Variants in LRP1B observed in about 807,000 individuals in gnomAD.
LRP1B encodes LDL receptor related protein 1B.
A neutral mutation model predicts 556.6 loss-of-function variants in LRP1B; 217 were observed. The ratio of observed to expected loss-of-function variants is 0.39; its 90% CI spans 0.35 to 0.44. The LOEUF is 0.44. Among genes scored for constraint, LRP1B ranks in the 20% least tolerant of loss-of-function variants. LRP1B has a pLI of 1.00. For missense variants in LRP1B, 5,053 were observed against 5,620.8 expected, an observed-to-expected ratio of 0.90 and a Z score of 3.23; for synonymous variants, 2,047 against 1,865.8, an observed-to-expected ratio of 1.10 and a Z score of -2.50.
intron 2 of LRP1B, among the ~76,000 whole-genome samples, chr2:141,514,418 G>T (rs1684240119): frequency 6.6e-6 from 1 of 152,092 alleles, no homozygotes; most frequent in Non-Finnish European, 1.5e-5. Context: ...GGTGTGCTCT[G>T]CTCACGTCTC....
At chr2:140,976,357 T>G (rs1388105567) in intron 18 of LRP1B, among the ~76,000 whole-genome samples, 1 of 152,048 alleles carries the variant, frequency 6.6e-6, no homozygotes, top group Non-Finnish European at 1.5e-5. Flanking sequence ...CAAGAGCATT[T>G]ACAAGTAAGA....
chr2:141,045,183 C>T (rs1468281273), intron 11 of LRP1B, among the ~76,000 whole-genome samples: 1 of 114,770 alleles, frequency 8.7e-6, no homozygotes, highest in African/African-American at 3.1e-5. Flanking sequence ...AAAAACCAAA[C>T]ACCGCATATT....
intron 43 of LRP1B, among the ~76,000 whole-genome samples, chr2:140,556,532 G>A (rs961127296): frequency 4.6e-5 from 7 of 151,890 alleles, no homozygotes; most frequent in Non-Finnish European, 1.0e-4. Flanking sequence ...TATTTCTTGG[G>A]TTTATTTCTG....
chr2:140,519,110 C>T (rs1171415679), intron 49 of LRP1B, among the ~76,000 whole-genome samples: 2 of 152,124 alleles, frequency 1.3e-5, no homozygotes, highest in South Asian at 2.1e-4. Context: ...GAAAAAACTA[C>T]GTTAAAGTCC....
chr2:140,875,468 G>C (rs143002433), intron 25 of LRP1B, among the ~76,000 whole-genome samples: 1,631 of 152,214 alleles, frequency 0.011, 22 homozygotes, highest in African/African-American at 0.032. Flanking sequence ...GCTTTTATTT[G>C]GGCTTATTGT....
At chr2:140,372,686 C>T (rs1164100645) in intron 69 of LRP1B, among the ~76,000 whole-genome samples, 1 of 152,044 alleles carries the variant, frequency 6.6e-6, no homozygotes, top group East Asian at 1.9e-4. Flanking sequence ...CTATCTTTTA[C>T]TGTACTTTTA....
intron 2 of LRP1B, among the ~76,000 whole-genome samples, chr2:141,642,473 T>A (rs1167179380): frequency 6.6e-6 from 1 of 152,076 alleles, no homozygotes; most frequent in African/African-American, 2.4e-5. Context: ...GGGGAGTACT[T>A]TTCTGATTAC....
chr2:140,592,935 G>GACACACAC (rs10594387), intron 43 of LRP1B, among the ~76,000 whole-genome samples: 32 of 149,006 alleles, frequency 2.1e-4, no homozygotes, highest in East Asian at 6.0e-4. Flanking sequence ...GTGAGATCCT[G>GACACACAC]ACACACACAC....
At chr2:141,162,798 ATT>A (rs1441515235) in intron 7 of LRP1B, among the ~76,000 whole-genome samples, 6 of 152,150 alleles carry the variant, frequency 3.9e-5, no homozygotes, top group African/African-American at 1.2e-4. Flanking sequence ...CACAAAATAT[ATT>A]AACAATGTAT....
At chr2:141,587,962 A>T (rs1687200185) in intron 2 of LRP1B, among the ~76,000 whole-genome samples, 1 of 152,220 alleles carries the variant, frequency 6.6e-6, no homozygotes, top group Non-Finnish European at 1.5e-5. Flanking sequence ...GTTGTTTATC[A>T]GATGTAGAAA....
intron 37 of LRP1B, among the ~76,000 whole-genome samples, chr2:140,711,748 A>G (rs1220228432): frequency 1.3e-5 from 2 of 152,136 alleles, no homozygotes; most frequent in African/African-American, 2.4e-5. Context: ...TAAGCTGATA[A>G]CCTTAGAAAT....
intron 2 of LRP1B, among the ~76,000 whole-genome samples, chr2:141,766,036 A>T (rs1388443906): frequency 6.6e-6 from 1 of 152,174 alleles, no homozygotes; most frequent in Non-Finnish European, 1.5e-5. Flanking sequence ...TTTCCTCTCC[A>T]TTTCTATACC....
intron 41 of LRP1B, among the ~76,000 whole-genome samples, chr2:140,657,091 G>A (rs917586927): frequency 3.9e-5 from 6 of 151,986 alleles, no homozygotes; most frequent in East Asian, 1.9e-4. Flanking sequence ...AAATATAATA[G>A]TACTGATAGG....
chr2:140,515,043 G>A (rs1259785048), intron 50 of LRP1B, among the ~76,000 whole-genome samples: 1 of 151,814 alleles, frequency 6.6e-6, no homozygotes, highest in Non-Finnish European at 1.5e-5. Flanking sequence ...CTCTACTCCA[G>A]GTATATTTGT....
chr2:141,449,167 G>A (rs1681312091), intron 3 of LRP1B, among the ~76,000 whole-genome samples: 1 of 151,954 alleles, frequency 6.6e-6, no homozygotes, highest in African/African-American at 2.4e-5. Flanking sequence ...TATTCTAGTT[G>A]GAAAGATAAA....
intron 3 of LRP1B, among the ~76,000 whole-genome samples, chr2:141,346,154 TTC>T (rs1688250571): frequency 6.6e-6 from 1 of 152,084 alleles, no homozygotes; most frequent in African/African-American, 2.4e-5. Context: ...TGTTTTTATT[TTC>T]TGTTTTGTTT....
At chr2:141,437,662 T>A (rs767565992) in intron 3 of LRP1B, among the ~76,000 whole-genome samples, 8 of 152,014 alleles carry the variant, frequency 5.3e-5, no homozygotes, top group Non-Finnish European at 8.8e-5. Context: ...GTATAGTATT[T>A]TTCAAACTGC....
intron 18 of LRP1B, among the ~76,000 whole-genome samples, chr2:140,968,615 T>C (rs960012400): frequency 1.5e-4 from 23 of 152,170 alleles, no homozygotes; most frequent in African/African-American, 5.6e-4. Context: ...CTTTCAATTG[T>C]GATGTTAAGG....
At chr2:141,987,974 C>T (rs1702246186) in intron 1 of LRP1B, among the ~76,000 whole-genome samples, 1 of 151,662 alleles carries the variant, frequency 6.6e-6, no homozygotes, top group Admixed American at 6.6e-5. Flanking sequence ...AGTTTTGATC[C>T]CTTAACTTTC....
Sources: allele counts gnomAD v4.1 joint callset (sites outside exome capture counted in the v4.1 genomes callset), GRCh38; gene constraint gnomAD v4.1.1; transcripts MANE v1.5; gene names NCBI Gene and HGNC (gene_info 2026-07-23, HGNC 2026-07-21).